Variants in WWOX observed in about 807,000 individuals in gnomAD.
The protein encoded by WWOX is WW domain-containing oxidoreductase.
Under a neutral mutation model 46.2 loss-of-function variants are expected in WWOX, and 69 were observed. The ratio of observed to expected loss-of-function variants is 1.49; its 90% CI spans 1.23 to 1.82. The LOEUF (loss-of-function observed/expected upper bound fraction) is 1.82. Among genes scored for constraint, WWOX ranks in the 40% most tolerant of loss-of-function variants. WWOX has a pLI of 0.00. For missense variants in WWOX, 919 were observed against 542.6 expected (o/e 1.69, Z -6.89); for synonymous variants, 359 against 202.6 (o/e 1.77, Z -6.56).
chr16:79,131,818 C>T (rs2049884205), intron 8 of WWOX, among the ~76,000 whole-genome samples: 1 of 152,142 alleles, frequency 6.6e-6, no homozygotes, highest in African/African-American at 2.4e-5. Context: ...AATGGACTTA[C>T]AGTTCCATAT....
At chr16:78,680,737 A>G (rs2047710218) in intron 8 of WWOX, among the ~76,000 whole-genome samples, 1 of 152,218 alleles carries the variant, frequency 6.6e-6, no homozygotes, top group Non-Finnish European at 1.5e-5. Context: ...TTTCCGTGAC[A>G]GTAGAGTGTC....
intron 8 of WWOX, among the ~76,000 whole-genome samples, chr16:78,769,106 TGATAG>T (rs2049997974): frequency 6.6e-6 from 1 of 152,196 alleles, no homozygotes; most frequent in African/African-American, 2.4e-5. Context: ...CTCTGGCATT[TGATAG>T]TGAGGTATTT....
At chr16:78,768,875 C>G (rs1241768916) in intron 8 of WWOX, among the ~76,000 whole-genome samples, 1 of 152,140 alleles carries the variant, frequency 6.6e-6, no homozygotes, top group Non-Finnish European at 1.5e-5. Flanking sequence ...CATGACCCGC[C>G]AATGCCGTTG....
intron 6 of WWOX, among the ~76,000 whole-genome samples, chr16:78,409,318 A>C (rs978546802): frequency 2.0e-5 from 3 of 152,210 alleles, no homozygotes; most frequent in Admixed American, 6.5e-5. Flanking sequence ...CTGTCAAGAT[A>C]CAGAACAGTG....
intron 8 of WWOX, among the ~76,000 whole-genome samples, chr16:78,814,353 T>C (rs1315124047): frequency 1.3e-5 from 2 of 152,208 alleles, no homozygotes; most frequent in Non-Finnish European, 2.9e-5. Flanking sequence ...TGCACTTTTC[T>C]ATATTAATTC....
At chr16:79,075,289 T>C (rs1013065712) in intron 8 of WWOX, among the ~76,000 whole-genome samples, 1 of 152,278 alleles carries the variant, frequency 6.6e-6, no homozygotes, top group African/African-American at 2.4e-5. Context: ...TTTTAACCCA[T>C]TGTAAAAATC....
At chr16:78,561,675 T>A (rs1377270884) in intron 8 of WWOX, among the ~76,000 whole-genome samples, 3 of 151,994 alleles carry the variant, frequency 2.0e-5, no homozygotes, top group African/African-American at 7.2e-5. Flanking sequence ...AAGGGGGTAA[T>A]TGAAGAAGAT....
chr16:78,806,437 C>T (rs899218870), intron 8 of WWOX, among the ~76,000 whole-genome samples: 1 of 152,174 alleles, frequency 6.6e-6, no homozygotes, highest in Admixed American at 6.5e-5. Context: ...CTCTGAGGAA[C>T]AGCTTGTCTC....
At chr16:78,915,560 T>A (rs1209147602) in intron 8 of WWOX, among the ~76,000 whole-genome samples, 1 of 152,112 alleles carries the variant, frequency 6.6e-6, no homozygotes, top group South Asian at 2.1e-4. Flanking sequence ...ATTTGAAGAT[T>A]TAAAAAAATG....
chr16:78,891,292 C>T (rs1380509624), intron 8 of WWOX: 1 of 152,152 alleles, frequency 6.6e-6, no homozygotes, highest in Non-Finnish European at 1.5e-5. Context: ...GCTTTCAACT[C>T]CTGGCTTTCT....
At chr16:78,551,090 G>A (rs932955438) in intron 8 of WWOX, 2 of 152,062 alleles carry the variant, frequency 1.3e-5, no homozygotes, top group African/African-American at 4.8e-5. Flanking sequence ...TGAATATATT[G>A]TGTGAAACAA....
intron 4 of WWOX, among the ~76,000 whole-genome samples, chr16:78,135,367 C>T (rs1489943899): frequency 6.6e-6 from 1 of 152,176 alleles, no homozygotes; most frequent in Non-Finnish European, 1.5e-5. Context: ...CCTTGAATGT[C>T]TAATAGAGTC....
chr16:78,226,581 C>G (rs1486891377), intron 5 of WWOX, among the ~76,000 whole-genome samples: 1 of 140,958 alleles, frequency 7.1e-6, no homozygotes, highest in South Asian at 2.3e-4. Flanking sequence ...TTCTTCCTTT[C>G]TTCCTTTATT....
At chr16:78,431,267 A>C (rs2083210677) in intron 7 of WWOX, among the ~76,000 whole-genome samples, 1 of 152,178 alleles carries the variant, frequency 6.6e-6, no homozygotes, top group African/African-American at 2.4e-5. Flanking sequence ...AAAACATTAG[A>C]TTTTGCCAGA....
intron 8 of WWOX, among the ~76,000 whole-genome samples, chr16:78,870,916 C>G (rs188918304): frequency 2.0e-5 from 3 of 152,092 alleles, no homozygotes; most frequent in Non-Finnish European, 4.4e-5. Flanking sequence ...CTAATCAGTT[C>G]CTTTAAATCT....
At chr16:78,944,455 T>G (rs1456750515) in intron 8 of WWOX, among the ~76,000 whole-genome samples, 1 of 152,180 alleles carries the variant, frequency 6.6e-6, no homozygotes, top group Non-Finnish European at 1.5e-5. Context: ...TATCACAATA[T>G]GATACTCTGA....
intron 6 of WWOX, among the ~76,000 whole-genome samples, chr16:78,388,536 A>G (rs2082107365): frequency 6.6e-6 from 1 of 150,444 alleles, no homozygotes; most frequent in South Asian, 2.1e-4. Flanking sequence ...AGTCCTAGCT[A>G]CTTGGGAGGC....
chr16:78,522,143 T>TTA (rs2043361643), intron 8 of WWOX, among the ~76,000 whole-genome samples: 1 of 136,704 alleles, frequency 7.3e-6, no homozygotes, highest in Non-Finnish European at 1.6e-5. Context: ...TGGAAGGCTT[T>TTA]AAAAAAAAAA....
chr16:78,433,991 G>A (rs1250257798), intron 8 of WWOX, among the ~76,000 whole-genome samples: 2 of 151,590 alleles, frequency 1.3e-5, no homozygotes, highest in African/African-American at 2.4e-5. Flanking sequence ...GGGTTTCACC[G>A]TTTTAGCCGG....
Sources: allele counts gnomAD v4.1 joint callset (sites outside exome capture counted in the v4.1 genomes callset), GRCh38; gene constraint gnomAD v4.1.1; transcripts MANE v1.5; gene names NCBI Gene and HGNC (gene_info 2026-07-23, HGNC 2026-07-21).